The following ADAMTS17 variants were observed in gnomAD, a reference collection of about 807,000 sequenced individuals.
The protein encoded by ADAMTS17 is ADAM metallopeptidase with thrombospondin type 1 motif 17.
Under a neutral mutation model 141.5 loss-of-function variants are expected in ADAMTS17, and 113 were observed. That is an observed-to-expected ratio of 0.80 (90% CI 0.69 to 0.93). The LOEUF (loss-of-function observed/expected upper bound fraction) is 0.93. Ranked by LOEUF, ADAMTS17 falls within the 40% of genes least tolerant of loss-of-function variation. ADAMTS17 has a pLI of 0.00. For missense variants in ADAMTS17, 1,659 were observed against 1,517.9 expected, an observed-to-expected ratio of 1.09 and a Z score of -1.54; for synonymous variants, 768 against 630.6, an observed-to-expected ratio of 1.22 and a Z score of -3.27.
intron 6 of ADAMTS17, among the ~76,000 whole-genome samples, chr15:100,258,629 C>T (rs1412272556): frequency 6.6e-6 from 1 of 151,158 alleles, no homozygotes; most frequent in African/African-American, 2.4e-5. Context: ...ATCCCGAGAA[C>T]AGCACAAGAA....
chr15:100,206,730 A>C (rs2041583009), intron 7 of ADAMTS17, among the ~76,000 whole-genome samples: 1 of 152,194 alleles, frequency 6.6e-6, no homozygotes, highest in African/African-American at 2.4e-5. Context: ...CCATGGGGTC[A>C]GATATCCCCA....
rs750759888 is a variant in ADAMTS17, at chr15:100,116,943, G to A, written c.1792C>T (p.Pro598Ser). The change falls in exon 13 of 22, where the codon CCC becomes TCC. Residue 598 changes from proline to serine, a missense_variant. Coordinates refer to ENST00000268070, the MANE Select transcript of ADAMTS17 (RefSeq NM_139057.4). ...EHAVCENLPC[P>S]KGLPSFRDQQ... Reference sequence around the variant, plus strand: ...TCCCGGAAGCTGGGCAGACCCTTGGGGCAGGGCAGGTTCTCGCAGACCGCA... The same window carrying A: ...TCCCGGAAGCTGGGCAGACCCTTGGAGCAGGGCAGGTTCTCGCAGACCGCA... 1.9e-6 allele frequency: 3 copies of A among 1,614,004 alleles called. No individual in the cohort carries two copies. The highest frequency in any genetic ancestry group is 2.2e-5 in the South Asian group (2 of 91,084).
chr15:100,190,626 G>A (rs1405306601), intron 8 of ADAMTS17, among the ~76,000 whole-genome samples: 2 of 152,226 alleles, frequency 1.3e-5, no homozygotes, highest in Non-Finnish European at 2.9e-5. Flanking sequence ...CAGGTCTGGA[G>A]AAGTCAGGTA....
chr15:100,064,388 T>C (rs989332407), intron 15 of ADAMTS17, among the ~76,000 whole-genome samples: 5 of 152,202 alleles, frequency 3.3e-5, no homozygotes, highest in African/African-American at 9.6e-5. Context: ...TGCGGCACTT[T>C]GTTACGGAAA....
intron 3 of ADAMTS17, among the ~76,000 whole-genome samples, chr15:100,292,511 TGAAATTATGAGAGACACTCACCCCGTGA>T (rs2044678691): frequency 4.1e-5 from 6 of 145,642 alleles, no homozygotes; most frequent in East Asian, 4.2e-4. Context: ...TCACCCCGTG[TGAAATTATGAGAGACACTCACCCCGTGA>T]GAAATTATGA....
intron 20 of ADAMTS17, among the ~76,000 whole-genome samples, chr15:99,989,286 G>A (rs10163062): frequency 0.11 from 17,003 of 152,144 alleles, 2,937 homozygotes; most frequent in African/African-American, 0.37. Flanking sequence ...TAGGTGCCCC[G>A]ACCCCAGATG....
intron 15 of ADAMTS17, among the ~76,000 whole-genome samples, chr15:100,081,107 T>C (rs1394960524): frequency 6.6e-6 from 1 of 152,178 alleles, no homozygotes; most frequent in Non-Finnish European, 1.5e-5. Flanking sequence ...CCACCCTTAA[T>C]CTGGTGGGCA....
In ADAMTS17 at chr15:100,184,784, C is replaced by A. The variant is rs182408036; in HGVS notation, c.1181+14534G>T. Among the ~76,000 whole-genome samples the A allele has an allele frequency of 2.4e-3, 372 of 152,270 alleles. 5 individuals carry two copies. The highest frequency in any genetic ancestry group is 1.7e-3 in the Non-Finnish European group (119 of 68,034). On this transcript the variant is annotated intron_variant, in intron 8 of 21. Coordinates refer to ENST00000268070, the MANE Select transcript of ADAMTS17 (RefSeq NM_139057.4). Reference sequence around the variant, plus strand: ...GTGGCCATCACCAGATCAGACTTCCCGTAGCCCCCTGTCACAGCCCCTCTC... The same window carrying A: ...GTGGCCATCACCAGATCAGACTTCCAGTAGCCCCCTGTCACAGCCCCTCTC...
At chr15:100,097,178 A>G (rs2035813417) in intron 14 of ADAMTS17, among the ~76,000 whole-genome samples, 1 of 152,248 alleles carries the variant, frequency 6.6e-6, no homozygotes, top group African/African-American at 2.4e-5. Flanking sequence ...CTTTTTTAAA[A>G]AAGTGAGAAT....
chr15:100,060,453 A>T (rs2033028551), intron 15 of ADAMTS17, among the ~76,000 whole-genome samples: 1 of 152,210 alleles, frequency 6.6e-6, no homozygotes, highest in Non-Finnish European at 1.5e-5. Context: ...TGTGGGAAAG[A>T]CCATGAGCCA....
intron 18 of ADAMTS17, among the ~76,000 whole-genome samples, chr15:100,047,356 T>C (rs2141568959): frequency 7.5e-6 from 1 of 132,762 alleles, no homozygotes. Context: ...AAGTACGTGA[T>C]CTCTGTGACC....
At chr15:100,294,497 G>T (rs938277793) in intron 3 of ADAMTS17, among the ~76,000 whole-genome samples, 4 of 152,050 alleles carry the variant, frequency 2.6e-5, no homozygotes, top group African/African-American at 9.7e-5. Context: ...AGCTATGTGA[G>T]GCCAAGGTAG....
At chr15:100,093,842 C>A (rs141658970) in intron 15 of ADAMTS17, among the ~76,000 whole-genome samples, 1 of 152,092 alleles carries the variant, frequency 6.6e-6, no homozygotes, top group Non-Finnish European at 1.5e-5. Flanking sequence ...GTATACCTAG[C>A]GGTTAAAATG....
At chr15:100,186,855 T>A (rs1423822736) in intron 8 of ADAMTS17, among the ~76,000 whole-genome samples, 1 of 152,240 alleles carries the variant, frequency 6.6e-6, no homozygotes, top group East Asian at 1.9e-4. Context: ...TGATGAGCCA[T>A]TCTGGAATGT....
intron 10 of ADAMTS17, among the ~76,000 whole-genome samples, chr15:100,136,864 T>C (rs1040267875): frequency 6.6e-6 from 1 of 152,154 alleles, no homozygotes; most frequent in Non-Finnish European, 1.5e-5. Flanking sequence ...GTTTCAGAGA[T>C]ACACCAGAAC....
rs149538895 is a variant in ADAMTS17, at chr15:100,060,035, A to G, written c.2138-5981T>C. On this transcript the variant is annotated intron_variant, in intron 15 of 21. Transcript: ENST00000268070. ...CAGGATATTGTTGGACCCAGAAAGCACTCCATGGGGCAATTAAAATGATTA... is the reference window on the plus strand; with the variant it reads ...CAGGATATTGTTGGACCCAGAAAGCGCTCCATGGGGCAATTAAAATGATTA... Among the ~76,000 whole-genome samples, 1,132 of 152,268 alleles carry G rather than the reference A, an allele frequency of 7.4e-3. 14 individuals carry two copies. The highest frequency in any genetic ancestry group is 0.026 in the African/African-American group (1,083 of 41,512).
At chr15:100,170,422 G>A (rs187107768) in intron 8 of ADAMTS17, among the ~76,000 whole-genome samples, 1 of 152,086 alleles carries the variant, frequency 6.6e-6, no homozygotes, top group Non-Finnish European at 1.5e-5. Flanking sequence ...AAGTCCCTCA[G>A]CACGCAGGGA....
rs1297549385 is a variant in ADAMTS17 at position 100,051,814 on chromosome 15, T to TG, written c.2296-84dup. ...GCCGAATCTGCACACACAGGCACAC[T>TG]GCGGCTGTTTCTTTATGAGGGGTAA... On this transcript the variant is annotated intron_variant, in intron 16 of 21. Transcript: ENST00000268070. 9.0e-6 allele frequency: 14 copies of TG among 1,562,792 alleles called. No individual in the cohort carries two copies. In the African/African-American group the frequency reaches 1.6e-4, roughly 18 times the overall value.
chr15:100,243,845 A>AAATGG (rs1303549662), intron 7 of ADAMTS17, among the ~76,000 whole-genome samples: 3 of 151,050 alleles, frequency 2.0e-5, no homozygotes, highest in East Asian at 1.9e-4. Context: ...AAACAAAATG[A>AAATGG]AAGTGGTCAT....
Sources: allele counts gnomAD v4.1 joint callset (sites outside exome capture counted in the v4.1 genomes callset), GRCh38; gene constraint gnomAD v4.1.1; transcripts MANE v1.5; gene names NCBI Gene and HGNC (gene_info 2026-07-23, HGNC 2026-07-21).